AGPAT3: variants seen among roughly 807,000 people sequenced by gnomAD.
The protein encoded by AGPAT3 is 1-acylglycerol-3-phosphate O-acyltransferase 3, also known as 1-acyl-sn-glycerol-3-phosphate acyltransferase gamma.
A neutral mutation model predicts 47.3 loss-of-function variants in AGPAT3; 5 were observed. The ratio of observed to expected loss-of-function variants is 0.11; its 90% confidence interval spans 0.06 to 0.22. AGPAT3 has a LOEUF of 0.22. Ranked by LOEUF, AGPAT3 falls within the 10% of genes least tolerant of loss-of-function variation. AGPAT3 has a pLI of 1.00. For synonymous variants in AGPAT3, 212 were observed against 208.3 expected (o/e 1.02, Z -0.15); for missense variants, 315 against 493.0 (o/e 0.64, Z 3.42).
At chr21:43,931,965 G>C (rs912934688) in intron 2 of AGPAT3, among the ~76,000 whole-genome samples, 4 of 133,182 alleles carry the variant, frequency 3.0e-5, no homozygotes, top group Admixed American at 7.8e-5. Flanking sequence ...GTGTGTGTGT[G>C]TCTACCTACC....
intron 1 of AGPAT3, among the ~76,000 whole-genome samples, chr21:43,890,132 G>A (rs1453080176): frequency 1.4e-4 from 21 of 152,118 alleles, no homozygotes; most frequent in South Asian, 2.1e-4. Context: ...GGAGGGGATC[G>A]GATCCTGGAG....
intron 8 of AGPAT3, among the ~76,000 whole-genome samples, chr21:43,978,935 A>C (rs148072447): frequency 6.6e-6 from 1 of 152,170 alleles, no homozygotes; most frequent in Non-Finnish European, 1.5e-5. Context: ...GTGGGAGAGG[A>C]GATAACCAGG....
At chr21:43,976,355 A>G (rs1461616360) in intron 7 of AGPAT3, among the ~76,000 whole-genome samples, 1 of 151,456 alleles carries the variant, frequency 6.6e-6, no homozygotes, top group Non-Finnish European at 1.5e-5. Context: ...ACATTCCACC[A>G]CATCTGGCTA....
chr21:43,915,405 CTTTTTT>C lies in AGPAT3; in HGVS notation c.-49+11407_-49+11412del, dbSNP rs747494231. The stretch of plus-strand genomic sequence containing the variant: ...TTTTATTCTCCATTTTCTTGATTAG[CTTTTTT>C]TTTTTTTTTTTTTTTTTTTTGCGAC... On this transcript the variant is annotated intron_variant, in intron 2 of 9. Transcript: ENST00000291572. 2.6e-3 allele frequency among the ~76,000 whole-genome samples: 102 copies of C among 38,848 alleles called. 2 individuals are homozygous for C. The highest frequency in any genetic ancestry group is 0.011 in the African/African-American group (97 of 8,856). The allele number at this position is 38,848 out of a possible 152,430, so 25.5% of individuals were successfully genotyped here.
At chr21:43,915,380 T>A (rs1452709879) in intron 2 of AGPAT3, among the ~76,000 whole-genome samples, 1 of 150,726 alleles carries the variant, frequency 6.6e-6, no homozygotes, top group Non-Finnish European at 1.5e-5. Context: ...TTTTGTATAT[T>A]TTTATTCTCC....
chr21:43,890,208 T>C (rs2086071715), intron 1 of AGPAT3, among the ~76,000 whole-genome samples: 1 of 152,160 alleles, frequency 6.6e-6, no homozygotes, highest in African/African-American at 2.4e-5. Flanking sequence ...TCGTGAGATC[T>C]GGCTGTTTGA....
chr21:43,907,007 C>T (rs1233440766), intron 2 of AGPAT3, among the ~76,000 whole-genome samples: 1 of 146,516 alleles, frequency 6.8e-6, no homozygotes, highest in Non-Finnish European at 1.5e-5. Context: ...CAGGGGCTGG[C>T]GAGGGTCTGT....
intron 2 of AGPAT3, among the ~76,000 whole-genome samples, chr21:43,947,449 G>A (rs888880777): frequency 2.0e-5 from 3 of 152,222 alleles, no homozygotes; most frequent in African/African-American, 7.2e-5. Flanking sequence ...ACCTGCTGGA[G>A]TGACGCCCCC....
chr21:43,952,290 C>T lies in AGPAT3; in HGVS notation c.-48-7344C>T, dbSNP rs1162139384. ...CGGTCTCCCTTTTTCATAAGGACAC[C>T]GGTCAGATGGAATCAGCGCCCACCC... On this transcript the variant is annotated intron_variant, in intron 2 of 9. Coordinates refer to ENST00000291572, the MANE Select transcript of AGPAT3 (RefSeq NM_020132.5). This position sits in a 1 kb window ranked among gnomAD's most constrained non-coding sequence, Gnocchi z 5.6. Among the ~76,000 whole-genome samples, 3 of 152,108 alleles carry T rather than the reference C, an allele frequency of 2.0e-5. No individual in the cohort carries two copies. The highest frequency in any genetic ancestry group is 4.4e-5 in the Non-Finnish European group (3 of 68,016).
intron 2 of AGPAT3, among the ~76,000 whole-genome samples, chr21:43,917,809 T>TGTTGCGGGTGTTGTGGGG (rs1426402878): frequency 2.3e-4 from 22 of 96,058 alleles, no homozygotes; most frequent in Admixed American, 6.6e-4. Context: ...GTGGGGGTTG[T>TGTTGCGGGTGTTGTGGGG]GTTGTGGGTG....
chr21:43,872,907 G>A (rs928182585), intron 1 of AGPAT3, among the ~76,000 whole-genome samples: 1 of 152,242 alleles, frequency 6.6e-6, no homozygotes, highest in Middle Eastern at 3.2e-3. Context: ...TGACCCAAAA[G>A]CAAGGAGCTG....
At chr21:43,963,600 G>A (rs2088980108) in intron 3 of AGPAT3, among the ~76,000 whole-genome samples, 1 of 151,686 alleles carries the variant, frequency 6.6e-6, no homozygotes, top group Non-Finnish European at 1.5e-5. Flanking sequence ...CCCAGCTACT[G>A]GGGTGGCTGA....
chr21:43,923,286 G>A (rs1001555213), intron 2 of AGPAT3, among the ~76,000 whole-genome samples: 4 of 152,196 alleles, frequency 2.6e-5, no homozygotes, highest in Non-Finnish European at 5.9e-5. Context: ...TGCACTCGGG[G>A]ACCGGGCAAC....
intron 2 of AGPAT3, among the ~76,000 whole-genome samples, chr21:43,904,915 T>C (rs1237546134): frequency 6.6e-6 from 1 of 152,182 alleles, no homozygotes; most frequent in Admixed American, 6.5e-5. Flanking sequence ...GGCCCAGTTC[T>C]TGGTAGGCAG....
In AGPAT3 at chr21:43,889,220, C is replaced by T. The variant is rs148016428; in HGVS notation, c.-111-14737C>T. Among the ~76,000 whole-genome samples, 213 of 151,162 alleles carry T rather than the reference C, an allele frequency of 1.4e-3. 4 individuals are homozygous for T. The South Asian group carries it at 0.027, about 19-fold the overall frequency. On this transcript the variant is annotated intron_variant, in intron 1 of 9. Coordinates refer to ENST00000291572, the MANE Select transcript of AGPAT3 (RefSeq NM_020132.5). ...GACTGAGGTGATGAAGGCATGTTGG[C>T]GACAGAGGGTCCTCACCAAAGGGAA...
chr21:43,883,331 G>A (rs1289925416), intron 1 of AGPAT3, among the ~76,000 whole-genome samples: 1 of 152,202 alleles, frequency 6.6e-6, no homozygotes, highest in Non-Finnish European at 1.5e-5. Context: ...CCAGGGAGAG[G>A]GCCTGTCCTC....
chr21:43,897,474 C>T (rs931475836), intron 1 of AGPAT3, among the ~76,000 whole-genome samples: 3 of 151,154 alleles, frequency 2.0e-5, no homozygotes, highest in African/African-American at 7.3e-5. Flanking sequence ...GCTGTCCCTT[C>T]GGAGCTGTTA....
At chr21:43,921,386 A>G (rs2086887932) in intron 2 of AGPAT3, among the ~76,000 whole-genome samples, 1 of 151,934 alleles carries the variant, frequency 6.6e-6, no homozygotes, top group Non-Finnish European at 1.5e-5. Flanking sequence ...AAATGATCAA[A>G]CTCAAGGAGG....
intron 3 of AGPAT3, among the ~76,000 whole-genome samples, chr21:43,960,330 G>T (rs1342274388): frequency 6.6e-6 from 1 of 152,204 alleles, no homozygotes; most frequent in African/African-American, 2.4e-5. Context: ...GTGCCTCTGT[G>T]CGTATGTGTA....
Sources: allele counts gnomAD v4.1 joint callset (sites outside exome capture counted in the v4.1 genomes callset), GRCh38; gene constraint gnomAD v4.1.1; non-coding constraint Gnocchi (gnomAD v3.1); transcripts MANE v1.5; gene names NCBI Gene and HGNC (gene_info 2026-07-23, HGNC 2026-07-21).